Variants in CA13 observed in about 807,000 individuals in gnomAD.
CA13 encodes the protein carbonic anhydrase 13, also known as CA-XIII.
CA13 carries 21 observed loss-of-function variants against 31.5 expected under a neutral mutation model. That is an observed-to-expected ratio of 0.67 (90% CI 0.47 to 0.96). The LOEUF (loss-of-function observed/expected upper bound fraction) is 0.96. Ranked by LOEUF, CA13 falls within the 40% of genes least tolerant of loss-of-function variation. The probability of loss-of-function intolerance (pLI) is 0.00; values close to 1 mark genes in which losing one functional copy is unlikely to be tolerated. For synonymous variants in CA13, 117 were observed against 111.4 expected, an observed-to-expected ratio of 1.05 and a Z score of -0.32; for missense variants, 315 against 318.9, an observed-to-expected ratio of 0.99 and a Z score of 0.09.
At chr8:85,270,992 T>C (rs996348248) in intron 6 of CA13, among the ~76,000 whole-genome samples, 4 of 152,238 alleles carry the variant, frequency 2.6e-5, no homozygotes, top group African/African-American at 9.6e-5. Flanking sequence ...TAATTCACTT[T>C]GGAGCATTCA....
chr8:85,254,772 G>GTTT (rs10658651), intron 2 of CA13, among the ~76,000 whole-genome samples: 49,611 of 122,284 alleles, frequency 0.41, 9,937 homozygotes, highest in Non-Finnish European at 0.5. Flanking sequence ...AGTTAAACAA[G>GTTT]TTTTTTTTTT....
At chr8:85,267,098 T>A in intron 4 of CA13, 1 of 295,768 alleles carries the variant, frequency 3.4e-6, no homozygotes, top group Non-Finnish European at 5.1e-6. Context: ...CACTGGTTTT[T>A]AAAAAAATTT....
intron 3 of CA13, among the ~76,000 whole-genome samples, chr8:85,260,827 C>T (rs1186815335): frequency 6.6e-6 from 1 of 152,134 alleles, no homozygotes; most frequent in African/African-American, 2.4e-5. Flanking sequence ...TCCAAAGCGC[C>T]CTCGGAACTA....
At chr8:85,266,533 A>C in intron 3 of CA13, 75 bp from the exon 4 acceptor site, 1 of 1,131,402 alleles carries the variant, frequency 8.8e-7, no homozygotes. Flanking sequence ...AAAATTTGTA[A>C]ATGTTTTATT....
chr8:85,269,896 G>A (rs558763011), intron 6 of CA13, among the ~76,000 whole-genome samples: 1 of 151,978 alleles, frequency 6.6e-6, no homozygotes, highest in Admixed American at 6.5e-5. Context: ...GAAAAATTTT[G>A]TGTAGACAGG....
chr8:85,266,222 G>A lies in CA13; in HGVS notation c.355-386G>A, dbSNP rs894648520. ...TATTTATTTTCTGATATGAAGTGTC[G>A]CTCTGTTGCTCAGGCTGGAGTGTGG... On this transcript the variant is annotated intron_variant, in intron 3 of 6. Transcript: ENST00000321764. Among the ~76,000 whole-genome samples the A allele has an allele frequency of 1.2e-4, 19 of 152,116 alleles. 1 individual carries two copies. The South Asian group carries it at 1.5e-3, about 12-fold the overall frequency.
chr8:85,251,038 T>C (rs907086594), intron 2 of CA13, 101 bp downstream of exon 2: 44 of 1,020,752 alleles, frequency 4.3e-5, no homozygotes, highest in Non-Finnish European at 6.0e-5. Flanking sequence ...AGTCTCGCTC[T>C]GTCGCCAGGC....
chr8:85,261,227 A>C (rs994373134), intron 3 of CA13, among the ~76,000 whole-genome samples: 4 of 152,176 alleles, frequency 2.6e-5, no homozygotes, highest in African/African-American at 9.7e-5. Context: ...CTTATTAAAA[A>C]ACTTAGGTAC....
At position 85,266,609 on chromosome 8, in the gene CA13, T is replaced by C. The variant is rs1257276940; in HGVS notation, c.356T>C (p.Leu119Pro). The change falls in exon 4 of 7, where the codon CTC becomes CCC. Residue 119 changes from leucine (L) to proline (P), a missense_variant and splice_region_variant. Physicochemically the swap from Leu to Pro is moderately conservative, Grantham distance 98 (BLOSUM62 -3). Coordinates refer to ENST00000321764, the MANE Select transcript of CA13 (RefSeq NM_198584.3). The stretch of plus-strand genomic sequence containing the variant: ...CTATGTTGTATATCTCCCTTTCAGC[T>C]CCATGTTGTTCACTGGAATTCAGAC... ...IVDGVSYAAE[L>P]HVVHWNSDKY... is the part of the protein sequence containing the mutation. 1 of 1,612,444 alleles carries C rather than the reference T, an allele frequency of 6.2e-7. No homozygotes were observed. The highest frequency in any genetic ancestry group is 1.3e-5 in the African/African-American group (1 of 74,884).
rs1176523235 is a variant in CA13 at position 85,266,661 on chromosome 8, T to C, written c.408T>C (p.Ala136=). The C allele has an allele frequency of 3.1e-6, 5 of 1,614,018 alleles. No homozygotes were observed. The East Asian group carries it at 8.9e-5, about 29-fold the overall frequency. The change falls in exon 4 of 7, where the codon GCT becomes GCC. Residue 136 remains alanine, a synonymous_variant. Transcript: ENST00000321764. ...SDKYPSFVEA[A]HEPDGLAVLG... is the part of the protein sequence containing the mutation. ...AATACCCCAGCTTTGTTGAGGCAGC[T>C]CATGAACCAGATGGACTGGCTGTCT...
At chr8:85,249,860 A>G (rs1416651328) in intron 1 of CA13, 2 of 451,246 alleles carry the variant, frequency 4.4e-6, no homozygotes, top group Admixed American at 4.8e-5. Context: ...TTGAGAGGCA[A>G]GACTTTATAG....
chr8:85,272,730 A>G (rs1807544509), intron 6 of CA13, among the ~76,000 whole-genome samples: 1 of 152,236 alleles, frequency 6.6e-6, no homozygotes, highest in South Asian at 2.1e-4. Context: ...TTGTGTGGAC[A>G]CATTTTTATG....
At chr8:85,268,408 G>A in intron 5 of CA13, 64 bp from the exon 6 acceptor site, 1 of 1,416,324 alleles carries the variant, frequency 7.1e-7, no homozygotes, top group Non-Finnish European at 9.9e-7. Context: ...ATGGATGTAT[G>A]TTTTTTGAGG....
At chr8:85,254,343 C>A (rs1287432109) in intron 2 of CA13, among the ~76,000 whole-genome samples, 1 of 150,852 alleles carries the variant, frequency 6.6e-6, no homozygotes, top group Non-Finnish European at 1.5e-5. Flanking sequence ...TATTTTACTT[C>A]ATCTAAAACT....
Position 85,270,335 on chromosome 8 carries a change from A to G in CA13, c.669+1708A>G, listed in dbSNP as rs185660802. ...CATTTCCCCTTGGGGCATTGAACACATCCTTCCTTCTGTTGGGTGTTTCTC... is the reference window on the plus strand; with the variant it reads ...CATTTCCCCTTGGGGCATTGAACACGTCCTTCCTTCTGTTGGGTGTTTCTC... On this transcript the variant is annotated intron_variant, in intron 6 of 6. Coordinates refer to ENST00000321764, the MANE Select transcript of CA13 (RefSeq NM_198584.3). 2.0e-4 allele frequency among the ~76,000 whole-genome samples: 30 copies of G among 152,240 alleles called. No individual in the cohort carries two copies. In the East Asian group the frequency reaches 5.8e-3, roughly 29 times the overall value.
At chr8:85,274,403 C>G (rs1807570401) in intron 6 of CA13, among the ~76,000 whole-genome samples, 2 of 152,098 alleles carry the variant, frequency 1.3e-5, no homozygotes. Context: ...AGATTACTGT[C>G]CCTACCAGTA....
chr8:85,260,542 C>T (rs544976833), intron 3 of CA13, among the ~76,000 whole-genome samples: 1 of 152,298 alleles, frequency 6.6e-6, no homozygotes, highest in Non-Finnish European at 1.5e-5. Flanking sequence ...ACATGTACCT[C>T]TGCCCTTTCA....
At position 85,268,513 on chromosome 8, in the gene CA13, G is replaced by C. The variant is rs1356818438; in HGVS notation, c.555G>C (p.Leu185=). The C allele has an allele frequency of 6.2e-7, 1 of 1,614,026 alleles. No individual in the cohort carries two copies. The stretch of plus-strand genomic sequence containing the variant: ...TCACAAATTTTGACCTATTGTCTCT[G>C]CTTCCACCATCCTGGGACTACTGGA... The part of the protein sequence containing the change: ...TRFTNFDLLS[L]LPPSWDYWTY... The change falls in exon 6 of 7, where the codon CTG becomes CTC. Residue 185 remains leucine (L), a synonymous_variant. Coordinates refer to ENST00000321764, the MANE Select transcript of CA13 (RefSeq NM_198584.3).
intron 3 of CA13, among the ~76,000 whole-genome samples, chr8:85,263,308 T>C (rs1434668024): frequency 1.3e-5 from 2 of 152,152 alleles, no homozygotes; most frequent in African/African-American, 2.4e-5. Flanking sequence ...TTATCTGTAA[T>C]GCAGTGGGAA....
Sources: allele counts gnomAD v4.1 joint callset (sites outside exome capture counted in the v4.1 genomes callset), GRCh38; gene constraint gnomAD v4.1.1; transcripts MANE v1.5; gene names NCBI Gene and HGNC (gene_info 2026-07-23, HGNC 2026-07-21).